PIK3R5: variants seen among roughly 807,000 people sequenced by gnomAD.
PIK3R5 encodes the protein phosphoinositide-3-kinase regulatory subunit 5, also known as phosphoinositide 3-kinase regulatory subunit 5.
In PIK3R5, 32 loss-of-function variants were observed where a neutral mutation model predicts 94.9. The observed-to-expected ratio is 0.34, with a 90% CI of 0.25 to 0.45. The LOEUF (loss-of-function observed/expected upper bound fraction) is 0.45, where lower values mean the gene tolerates loss of function less well. Ranked by LOEUF, PIK3R5 falls within the 20% of genes least tolerant of loss-of-function variation. The pLI, the probability that PIK3R5 is intolerant of heterozygous loss-of-function variation, is 1.00. For missense variants in PIK3R5, 853 were observed against 1,144.6 expected, an observed-to-expected ratio of 0.75 and a Z score of 3.68; for synonymous variants, 443 against 479.4, an observed-to-expected ratio of 0.92 and a Z score of 0.99.
intron 1 of PIK3R5, among the ~76,000 whole-genome samples, chr17:8,942,662 G>A (rs147866158): frequency 0.044 from 6,606 of 151,738 alleles, 201 homozygotes; most frequent in Non-Finnish European, 0.063. Flanking sequence ...CTGGAGTGCA[G>A]TGGTGCGATC....
Position 8,942,646 on chromosome 17 carries a change from C to T in PIK3R5, c.-14+22950G>A, listed in dbSNP as rs539202016. ...TTTGAGACAGAGTCTCGCTCTGTCG[C>T]CCAGGCTGGAGTGCAGTGGTGCGAT... On this transcript the variant is annotated intron_variant, in intron 1 of 18. Transcript: ENST00000447110. Among the ~76,000 whole-genome samples the T allele has an allele frequency of 2.0e-5, 3 of 152,106 alleles. No individual in the cohort carries two copies. The East Asian group carries it at 5.8e-4, about 29-fold the overall frequency.
rs1205287312 is a variant in PIK3R5, at chr17:8,890,733, C to T, written c.657+5G>A. 1.2e-6 allele frequency: 2 copies of T among 1,603,550 alleles called. No homozygotes were observed. The highest frequency in any genetic ancestry group is 1.1e-5 in the South Asian group (1 of 89,358). The stretch of plus-strand genomic sequence containing the variant: ...CCACCAGAGCCCCAGGCCCCAGGTA[C>T]ATACCTGTAGCCTGCAGTGCAGGCC... On this transcript the variant is annotated splice_donor_5th_base_variant and intron_variant, in intron 7 of 18. Transcript: ENST00000447110. The surrounding 1 kb of genome is among the most constrained non-coding windows in gnomAD (Gnocchi z 6.1).
intron 6 of PIK3R5, among the ~76,000 whole-genome samples, chr17:8,891,121 C>A (rs991786774): frequency 1.3e-5 from 2 of 152,242 alleles, no homozygotes; most frequent in South Asian, 4.1e-4. Flanking sequence ...GGGTTCACTG[C>A]TGAGCATTTT....
At chr17:8,891,005 C>T in intron 6 of PIK3R5, 93 bp from the exon 7 acceptor site, 2 of 1,274,836 alleles carry the variant, frequency 1.6e-6, no homozygotes, top group Non-Finnish European at 2.2e-6. Context: ...CTCAGCTCCA[C>T]TGAGACCAGG....
rs138164098 is a variant in PIK3R5 at position 8,888,840 on chromosome 17, A to G, written c.947T>C (p.Ile316Thr). Residue 316 changes from isoleucine (I) to threonine (T), a missense_variant, in exon 10 of 19, where the codon ATC becomes ACC. By Grantham distance (89) the Ile-to-Thr change is moderately conservative. Transcript: ENST00000447110. This position sits in a 1 kb window ranked among gnomAD's most constrained non-coding sequence, Gnocchi z 7.8. ...TTCCTCCTCTTCATCATCTCCCAGG[A>G]TCCCTGGCTGGAGTAGCTCCTGTTC... ...LKEQELLQPG[I>T]LGDDEEEEEE... The G allele has an allele frequency of 1.3e-5, 21 of 1,607,804 alleles. No individual in the cohort carries two copies. In the African/African-American group the frequency reaches 2.0e-4, roughly 15 times the overall value.
At position 8,904,889 on chromosome 17, in the gene PIK3R5, A is replaced by T. The variant is rs770874595; in HGVS notation, c.300T>A (p.Asp100Glu). The T allele has an allele frequency of 5.0e-6, 8 of 1,613,670 alleles. No individual in the cohort carries two copies. The South Asian group carries it at 6.6e-5, about 13-fold the overall frequency. Residue 100 changes from aspartate to glutamate, a missense_variant, in exon 5 of 19, where the codon GAT becomes GAA. Physicochemically the swap from Asp to Glu is conservative, Grantham distance 45. Coordinates refer to ENST00000447110, the MANE Select transcript of PIK3R5 (RefSeq NM_001142633.3). This position sits in a 1 kb window ranked among gnomAD's most constrained non-coding sequence, Gnocchi z 5.1. ...LCTPHFPPDS[D>E]LLLKAASTYH... Reference sequence around the variant, plus strand: ...AGGTGCTGGCTGCCTTCAGAAGGAGATCCGAGTCTGGTGGGAAGTGTGGTG... The same window carrying T: ...AGGTGCTGGCTGCCTTCAGAAGGAGTTCCGAGTCTGGTGGGAAGTGTGGTG...
At chr17:8,929,406 T>C (rs2090948679) in intron 1 of PIK3R5, among the ~76,000 whole-genome samples, 3 of 152,192 alleles carry the variant, frequency 2.0e-5, no homozygotes, top group South Asian at 2.1e-4. Flanking sequence ...CAGCAATGGC[T>C]ATATTAATAT....
At position 8,888,039 on chromosome 17, in the gene PIK3R5, A is replaced by AATC. The variant is rs2089919166; in HGVS notation, c.1616+131_1616+132insGAT. 1 of 250,160 alleles carries AATC rather than the reference A, an allele frequency of 4.0e-6. No individual in the cohort carries two copies. The highest frequency in any genetic ancestry group is 7.3e-6 in the Non-Finnish European group (1 of 137,690). The allele number at this position is 250,160 out of a possible 1,614,324, so 15.5% of individuals were successfully genotyped here. On this transcript the variant is annotated intron_variant, in intron 10 of 18. Transcript: ENST00000447110. The surrounding 1 kb of genome is among the most constrained non-coding windows in gnomAD (Gnocchi z 7.8). ...TAATAATAATAATAATAATAATAAT[A>AATC]ATAATAATAAAATAAAAATAAATAA... is the stretch of plus-strand genomic sequence containing the variant.
chr17:8,909,144 T>C lies in PIK3R5; in HGVS notation c.134A>G (p.Gln45Arg), dbSNP rs1442767218. 3 of 1,605,840 alleles carry C rather than the reference T, an allele frequency of 1.9e-6. No homozygotes were observed. Among genetic ancestry groups the C allele is most frequent in the Non-Finnish European group, 2.6e-6 (3 of 1,175,762 alleles). ...GCCCGGGTCCCTGCTGACCAGCTCC[T>C]GCAGGCTCCAGCAGTTCAGACACAG... ...AGLCLNCWSL[Q>R]ELVSRDPGHF... Residue 45 changes from glutamine (Q) to arginine (R), a missense_variant, in exon 3 of 19, where the codon CAG (glutamine) becomes CGG (arginine). Around this residue, in one of 6 missense-constraint regions of PIK3R5, gnomAD observed 108 missense variants for 170.1 expected, o/e 0.63. Transcript: ENST00000447110. This position sits in a 1 kb window ranked among gnomAD's most constrained non-coding sequence, Gnocchi z 4.3.
chr17:8,893,897 G>A lies in PIK3R5; in HGVS notation c.413-242C>T. 1 of 389,630 alleles carries A rather than the reference G, an allele frequency of 2.6e-6. No homozygotes were observed. The highest frequency in any genetic ancestry group is 3.6e-5 in the South Asian group (1 of 27,982). The allele number at this position is 389,630 out of a possible 1,614,324, so 24.1% of individuals were successfully genotyped here. On this transcript the variant is annotated intron_variant, in intron 5 of 18. Transcript: ENST00000447110. This position sits in a 1 kb window ranked among gnomAD's most constrained non-coding sequence, Gnocchi z 5.1. ...CCTCCAACACCAAAACTCGGTCCTG[G>A]GCCTCGCTGTCCTCTGGATTCCCGT...
rs2091251656 is a variant in PIK3R5, at chr17:8,945,159, A to G, written c.-14+20437T>C. On this transcript the variant is annotated intron_variant, in intron 1 of 18. Coordinates refer to ENST00000447110, the MANE Select transcript of PIK3R5 (RefSeq NM_001142633.3). This position sits in a 1 kb window ranked among gnomAD's most constrained non-coding sequence, Gnocchi z 4.0. ...GGCTCGGCCCCTCACCCCACTTCGA[A>G]GAGGGGATCTACATCCTCCCCAGCT... 6.6e-6 allele frequency among the ~76,000 whole-genome samples: 1 copy of G among 152,082 alleles called. No homozygotes were observed. Among genetic ancestry groups the G allele is most frequent in the Non-Finnish European group, 1.5e-5 (1 of 68,014 alleles).
intron 1 of PIK3R5, among the ~76,000 whole-genome samples, chr17:8,964,110 GC>G (rs1485857265): frequency 4.6e-5 from 7 of 152,130 alleles, no homozygotes; most frequent in Non-Finnish European, 7.3e-5. Context: ...TCCACACTGG[GC>G]CAGGCACAGT....
intron 2 of PIK3R5, among the ~76,000 whole-genome samples, chr17:8,910,624 G>T (rs565420692): frequency 6.6e-6 from 1 of 152,270 alleles, no homozygotes; most frequent in African/African-American, 2.4e-5. Flanking sequence ...TTTAATCCAG[G>T]TCTGTCTCAT....
At chr17:8,936,594 A>G (rs1340880493) in intron 1 of PIK3R5, among the ~76,000 whole-genome samples, 1 of 152,120 alleles carries the variant, frequency 6.6e-6, no homozygotes, top group African/African-American at 2.4e-5. Context: ...ATGGCTTGAT[A>G]GCTCTTTTCT....
chr17:8,907,898 A>C (rs139738233), intron 3 of PIK3R5, among the ~76,000 whole-genome samples: 226 of 152,356 alleles, frequency 1.5e-3, no homozygotes, highest in African/African-American at 5.1e-3. Context: ...TGAGTCTCTC[A>C]AAGTGCTTAG....
At chr17:8,897,984 C>T (rs781575408) in intron 5 of PIK3R5, among the ~76,000 whole-genome samples, 2 of 151,852 alleles carry the variant, frequency 1.3e-5, no homozygotes, top group East Asian at 3.9e-4. Context: ...GAAAAATAGC[C>T]CCTGAGAGTT....
At chr17:8,899,377 C>A (rs1462533938) in intron 5 of PIK3R5, among the ~76,000 whole-genome samples, 9 of 152,222 alleles carry the variant, frequency 5.9e-5, no homozygotes, top group Admixed American at 2.0e-4. Context: ...TCTCATTTCT[C>A]CCTGTGACTT....
At chr17:8,937,646 G>A (rs1364253469) in intron 1 of PIK3R5, among the ~76,000 whole-genome samples, 1 of 152,220 alleles carries the variant, frequency 6.6e-6, no homozygotes, top group Non-Finnish European at 1.5e-5. Context: ...ATGTTTTATT[G>A]AGGATTTTTA....
In PIK3R5 at chr17:8,934,378, C is replaced by G. The variant is rs147898721; in HGVS notation, c.-13-22871G>C. On this transcript the variant is annotated intron_variant, in intron 1 of 18. Transcript: ENST00000447110. ...AATTTACCAAAGAATGTGGAAAACC[C>G]CCACCATTAAAACTACAAGACATTG... 6.2e-3 allele frequency among the ~76,000 whole-genome samples: 941 copies of G among 152,124 alleles called. 17 individuals are homozygous for G. The highest frequency in any genetic ancestry group is 0.022 in the African/African-American group (894 of 41,508).
Sources: allele counts gnomAD v4.1 joint callset (sites outside exome capture counted in the v4.1 genomes callset), GRCh38; gene constraint gnomAD v4.1.1; regional missense constraint gnomAD v4.1.1; non-coding constraint Gnocchi (gnomAD v3.1); transcripts MANE v1.5; gene names NCBI Gene and HGNC (gene_info 2026-07-23, HGNC 2026-07-21).